KANK1: variants seen among roughly 807,000 people sequenced by gnomAD.
The protein encoded by KANK1 is KN motif and ankyrin repeat domain-containing protein 1.
A neutral mutation model predicts 106.2 loss-of-function variants in KANK1; 109 were observed. The observed-to-expected ratio is 1.03, with a 90% confidence interval of 0.88 to 1.20. KANK1 has a LOEUF of 1.20. KANK1 is among the 50% of genes most tolerant of loss of function. The pLI is 0.00. For missense variants in KANK1, 2,399 were observed against 1,710.7 expected (o/e 1.40, Z -7.10); for synonymous variants, 873 against 652.2 (o/e 1.34, Z -5.16).
chr9:632,856 AT>A (rs952737807), intron 1 of KANK1, among the ~76,000 whole-genome samples: 3 of 151,116 alleles, frequency 2.0e-5, no homozygotes, highest in Admixed American at 6.6e-5. Context: ...CACCCGGCTA[AT>A]TTTTTTTTGT....
chr9:644,079 A>G, intron 1 of KANK1, among the ~76,000 whole-genome samples: 1 of 150,610 alleles, frequency 6.6e-6, no homozygotes, highest in East Asian at 1.9e-4. Context: ...ATTTGTTCTT[A>G]CCAATGCAGT....
chr9:576,937 G>A (rs1033189539), intron 1 of KANK1, among the ~76,000 whole-genome samples: 1 of 152,122 alleles, frequency 6.6e-6, no homozygotes, highest in Non-Finnish European at 1.5e-5. Context: ...AGACCCTCAC[G>A]GTGAGTGTTA....
intron 1 of KANK1, among the ~76,000 whole-genome samples, chr9:611,997 C>T (rs544649957): frequency 7.7e-4 from 118 of 152,292 alleles, no homozygotes; most frequent in African/African-American, 2.6e-3. Context: ...GGATTACAGG[C>T]GTGAGCCACC....
chr9:592,720 T>G (rs1825273112), intron 1 of KANK1, among the ~76,000 whole-genome samples: 1 of 151,994 alleles, frequency 6.6e-6, no homozygotes, highest in South Asian at 2.1e-4. Context: ...AAATGTGACT[T>G]GAGATAGGAA....
At chr9:580,283 TC>T (rs989343558) in intron 1 of KANK1, among the ~76,000 whole-genome samples, 72 of 152,078 alleles carry the variant, frequency 4.7e-4, no homozygotes, top group African/African-American at 1.6e-3. Flanking sequence ...CTGCAGACCT[TC>T]CTGGTGTTAC....
intron 1 of KANK1, among the ~76,000 whole-genome samples, chr9:603,870 A>C (rs189609959): frequency 6.6e-6 from 1 of 150,776 alleles, no homozygotes; most frequent in Non-Finnish European, 1.5e-5. Context: ...GAGGCAGGAG[A>C]ATCACTTGAA....
chr9:565,432 G>T (rs955110892), intron 1 of KANK1, among the ~76,000 whole-genome samples: 1 of 152,252 alleles, frequency 6.6e-6, no homozygotes, highest in Non-Finnish European at 1.5e-5. Context: ...AGTTCACTGA[G>T]ACCATGGTAT....
At chr9:476,393 T>G (rs564545042) in intron 3 of KANK1, among the ~76,000 whole-genome samples, 6 of 151,912 alleles carry the variant, frequency 3.9e-5, no homozygotes, top group African/African-American at 1.5e-4. Flanking sequence ...TGGTGGGGTA[T>G]GCCTGTAATC....
intron 1 of KANK1, among the ~76,000 whole-genome samples, chr9:613,680 C>T (rs1284782413): frequency 6.6e-6 from 1 of 152,000 alleles, no homozygotes; most frequent in African/African-American, 2.4e-5. Context: ...TAACTTTTTT[C>T]CTCTTCTCAA....
At chr9:583,889 A>T (rs900977343) in intron 1 of KANK1, among the ~76,000 whole-genome samples, 1 of 152,094 alleles carries the variant, frequency 6.6e-6, no homozygotes, top group African/African-American at 2.4e-5. Context: ...GCTAATCAAA[A>T]TTTAAAAATT....
intron 1 of KANK1, among the ~76,000 whole-genome samples, chr9:659,045 T>G (rs7850399): frequency 0.91 from 138,761 of 152,218 alleles, 63,310 homozygotes; most frequent in East Asian, 0.97. Context: ...CATAATACGT[T>G]TATAACTTTT....
chr9:556,295 G>T (rs1398659525), intron 1 of KANK1, among the ~76,000 whole-genome samples: 1 of 152,064 alleles, frequency 6.6e-6, no homozygotes, highest in East Asian at 1.9e-4. Context: ...ACTTTTCTCT[G>T]TATGTGTCTG....
intron 1 of KANK1, among the ~76,000 whole-genome samples, chr9:516,757 T>C (rs910648826): frequency 6.6e-6 from 1 of 151,698 alleles, no homozygotes; most frequent in Non-Finnish European, 1.5e-5. Flanking sequence ...ATATGGATCA[T>C]TTTATCAGTA....
At chr9:613,188 A>T (rs551044178) in intron 1 of KANK1, among the ~76,000 whole-genome samples, 1 of 151,992 alleles carries the variant, frequency 6.6e-6, no homozygotes, top group Admixed American at 6.6e-5. Context: ...CAAAGAAGTA[A>T]TTGTGACCAG....
intron 1 of KANK1, among the ~76,000 whole-genome samples, chr9:664,183 G>A (rs1203969642): frequency 1.3e-5 from 2 of 152,086 alleles, no homozygotes; most frequent in Admixed American, 6.5e-5. Flanking sequence ...TTTCTTCTAA[G>A]TGTATTTGTA....
At chr9:725,497 A>AG (rs1491421427) in intron 3 of KANK1, among the ~76,000 whole-genome samples, 1 of 14,192 alleles carries the variant, frequency 7.0e-5, no homozygotes, top group Non-Finnish European at 1.8e-4. Flanking sequence ...ACTCTGTCTC[A>AG]AAAAAAAAAA....
intron 1 of KANK1, among the ~76,000 whole-genome samples, chr9:630,614 G>A (rs1402236093): frequency 6.6e-6 from 1 of 151,870 alleles, no homozygotes; most frequent in Non-Finnish European, 1.5e-5. Context: ...GCTGCAGAAA[G>A]CTTAGGGCTG....
At chr9:673,270 G>T (rs1815629416) in intron 1 of KANK1, among the ~76,000 whole-genome samples, 1 of 146,058 alleles carries the variant, frequency 6.8e-6, no homozygotes, top group Non-Finnish European at 1.5e-5. Flanking sequence ...GAATGCAGTG[G>T]CGTGATCTCG....
intron 1 of KANK1, among the ~76,000 whole-genome samples, chr9:620,734 A>C (rs1832953063): frequency 6.6e-6 from 1 of 152,160 alleles, no homozygotes; most frequent in South Asian, 2.1e-4. Context: ...CAACTTTTTA[A>C]ATTTTCAAAA....
Sources: allele counts gnomAD v4.1 joint callset (sites outside exome capture counted in the v4.1 genomes callset), GRCh38; gene constraint gnomAD v4.1.1; transcripts MANE v1.5; gene names NCBI Gene and HGNC (gene_info 2026-07-23, HGNC 2026-07-21).